ANO3: variants seen among roughly 807,000 people sequenced by gnomAD.
ANO3 encodes the protein anoctamin 3.
A neutral mutation model predicts 144.8 loss-of-function variants in ANO3; 99 were observed. The ratio of observed to expected loss-of-function variants is 0.68; its 90% CI spans 0.58 to 0.81. The LOEUF is 0.81. ANO3 is among the 30% of genes least tolerant of loss of function. The pLI, the probability that ANO3 is intolerant of heterozygous loss-of-function variation, is 0.00. For synonymous variants in ANO3, 414 were observed against 392.6 expected (o/e 1.05, Z -0.64); for missense variants, 905 against 1,202.2 (o/e 0.75, Z 3.66).
At chr11:26,433,046 T>C (rs1035287811) in intron 1 of ANO3, among the ~76,000 whole-genome samples, 1 of 152,188 alleles carries the variant, frequency 6.6e-6, no homozygotes, top group African/African-American at 2.4e-5. Context: ...TGGAATGTTC[T>C]TGCATTTGTT....
intron 1 of ANO3, among the ~76,000 whole-genome samples, chr11:26,350,102 T>A (rs1855604351): frequency 6.7e-6 from 1 of 150,180 alleles, no homozygotes; most frequent in African/African-American, 2.5e-5. Context: ...AAGAAACAGA[T>A]CTATGTGGAG....
At chr11:26,480,058 C>T (rs1441138840) in intron 4 of ANO3, among the ~76,000 whole-genome samples, 3 of 152,158 alleles carry the variant, frequency 2.0e-5, no homozygotes, top group Non-Finnish European at 2.9e-5. Flanking sequence ...AAGCAAGAGG[C>T]ATACCTGGCT....
rs1564947767 is a variant in ANO3 at position 26,283,326 on chromosome 11, ATATATATAT to A, written c.155-26318_155-26310del. Among the ~76,000 whole-genome samples the A allele has an allele frequency of 6.2e-3, 119 of 19,332 alleles. 2 individuals are homozygous for A. Among genetic ancestry groups the A allele is most frequent in the East Asian group, 0.036 (20 of 556 alleles). 12.7% of individuals were successfully genotyped at this position (19,332 alleles called of 152,430 possible). ...CCAAAATAAACAAATAAATAAATAT[ATATATATAT>A]ATATATATATATATATATATATATA... is the stretch of plus-strand genomic sequence containing the variant. On this transcript the variant is annotated intron_variant, in intron 1 of 27. Transcript: ENST00000672621.
chr11:26,464,075 G>A (rs897810997), intron 4 of ANO3, among the ~76,000 whole-genome samples: 45 of 151,776 alleles, frequency 3.0e-4, no homozygotes, highest in South Asian at 1.9e-3. Flanking sequence ...GTATTTCTTG[G>A]ATTAATTTTG....
chr11:26,318,030 T>C (rs1590256326), intron 1 of ANO3, among the ~76,000 whole-genome samples: 3 of 151,136 alleles, frequency 2.0e-5, no homozygotes, highest in Admixed American at 1.3e-4. Flanking sequence ...ACACCACATG[T>C]TCTCACTCAT....
chr11:26,638,086 G>T (rs1314388648), intron 20 of ANO3, among the ~76,000 whole-genome samples: 2 of 152,076 alleles, frequency 1.3e-5, no homozygotes, highest in East Asian at 3.8e-4. Context: ...TTATTTTTGT[G>T]GTGTTGCATT....
intron 4 of ANO3, among the ~76,000 whole-genome samples, chr11:26,471,075 T>C (rs1026751526): frequency 2.0e-5 from 3 of 151,940 alleles, no homozygotes; most frequent in Admixed American, 1.3e-4. Context: ...CTAATTTAAG[T>C]TTCACAATAA....
chr11:26,548,099 T>C (rs1849835450), intron 12 of ANO3, among the ~76,000 whole-genome samples: 1 of 151,968 alleles, frequency 6.6e-6, no homozygotes, highest in Non-Finnish European at 1.5e-5. Flanking sequence ...CCTGAGTACG[T>C]GACAAAACGT....
chr11:26,616,554 G>A (rs923134213), intron 17 of ANO3, among the ~76,000 whole-genome samples: 4 of 151,746 alleles, frequency 2.6e-5, no homozygotes, highest in Middle Eastern at 3.4e-3. Context: ...AAATGAAGGA[G>A]CCAAATATGG....
chr11:26,361,052 A>G (rs937759313), intron 1 of ANO3, among the ~76,000 whole-genome samples: 2 of 152,200 alleles, frequency 1.3e-5, no homozygotes, highest in Non-Finnish European at 2.9e-5. Flanking sequence ...ATGTGACAAC[A>G]TTTTATACTT....
chr11:26,411,299 A>G (rs995218769), intron 1 of ANO3, among the ~76,000 whole-genome samples: 2 of 152,050 alleles, frequency 1.3e-5, no homozygotes, highest in African/African-American at 4.8e-5. Flanking sequence ...GCTATAGTCA[A>G]GAGAAGGAGA....
chr11:26,365,139 G>C (rs1208151793), intron 1 of ANO3, among the ~76,000 whole-genome samples: 2 of 152,204 alleles, frequency 1.3e-5, no homozygotes, highest in Non-Finnish European at 2.9e-5. Context: ...ACACAGCAGG[G>C]CACTCATTAA....
chr11:26,491,381 C>T (rs1565058019), intron 4 of ANO3, among the ~76,000 whole-genome samples: 1 of 152,188 alleles, frequency 6.6e-6, no homozygotes, highest in Non-Finnish European at 1.5e-5. Context: ...TAAGCAACAA[C>T]TTCGATTGAC....
chr11:26,661,799 A>G lies in ANO3; in HGVS notation c.*1355A>G, dbSNP rs1281653871. The G allele has an allele frequency of 2.0e-5, 3 of 152,084 alleles. No homozygotes were observed. The highest frequency in any genetic ancestry group is 4.4e-5 in the Non-Finnish European group (3 of 68,020). 9.4% of individuals were successfully genotyped at this position (152,084 alleles called of 1,614,324 possible). A position where few individuals can be genotyped will look rare whatever the true frequency, so the allele number is the denominator to read the frequency against. On this transcript the variant is annotated 3_prime_UTR_variant, in exon 27 of 27. Coordinates refer to ENST00000256737, the MANE Select transcript of ANO3 (RefSeq NM_031418.4). Reference sequence around the variant, plus strand: ...ACAGATGAGGCAGGAGTGATGGGGCACTCAAGAAAGTTCAGAGGAGGCATA... The same window carrying G: ...ACAGATGAGGCAGGAGTGATGGGGCGCTCAAGAAAGTTCAGAGGAGGCATA...
rs550057766 is a variant in ANO3, at chr11:26,586,503, C to CTTTTTTTTTTTT, written c.1448-11855_1448-11844dup. Reference sequence around the variant, plus strand: ...AAGAAGGGGCTTCCCTGGTGAGAATCTTTTTTTTTTTTTTTTTTGAGACAT... The same window carrying CTTTTTTTTTTTT: ...AAGAAGGGGCTTCCCTGGTGAGAATCTTTTTTTTTTTTTTTTTTTTTTTTTTTTTTGAGACAT... On this transcript the variant is annotated intron_variant, in intron 14 of 26. Transcript: ENST00000256737. Among the ~76,000 whole-genome samples the CTTTTTTTTTTTT allele has an allele frequency of 2.0e-4, 16 of 81,452 alleles. 1 individual carries two copies. In the East Asian group the frequency reaches 2.1e-3, roughly 10 times the overall value. 53.4% of individuals were successfully genotyped at this position (81,452 alleles called of 152,430 possible).
At chr11:26,648,032 C>A (rs1281742615) in intron 24 of ANO3, among the ~76,000 whole-genome samples, 176 bp downstream of exon 24, 1 of 152,028 alleles carries the variant, frequency 6.6e-6, no homozygotes, top group Non-Finnish European at 1.5e-5. Flanking sequence ...GTTATTATAG[C>A]AAATAATCTT....
chr11:26,402,409 A>T (rs1857169884), intron 1 of ANO3, among the ~76,000 whole-genome samples: 1 of 151,924 alleles, frequency 6.6e-6, no homozygotes, highest in East Asian at 1.9e-4. Flanking sequence ...AGCTTTTGTT[A>T]TATATATGAT....
At chr11:26,349,628 A>C (rs975961916) in intron 1 of ANO3, among the ~76,000 whole-genome samples, 1 of 152,038 alleles carries the variant, frequency 6.6e-6, no homozygotes, top group South Asian at 2.1e-4. Context: ...AGCTCACTGC[A>C]AGCTCCGCCT....
chr11:26,618,473 C>T (rs1011141675), intron 17 of ANO3, among the ~76,000 whole-genome samples: 1 of 152,104 alleles, frequency 6.6e-6, no homozygotes, highest in Non-Finnish European at 1.5e-5. Context: ...CTTCCTGTCT[C>T]TAATCTAAAC....
Sources: allele counts gnomAD v4.1 joint callset (sites outside exome capture counted in the v4.1 genomes callset), GRCh38; gene constraint gnomAD v4.1.1; transcripts MANE v1.5; gene names NCBI Gene and HGNC (gene_info 2026-07-23, HGNC 2026-07-21).